SSH1: variants seen among roughly 807,000 people sequenced by gnomAD.
The protein encoded by SSH1 is slingshot protein phosphatase 1, also known as protein phosphatase Slingshot homolog 1.
A neutral mutation model predicts 79.7 loss-of-function variants in SSH1; 43 were observed. That is an observed-to-expected ratio of 0.54 (90% CI 0.42 to 0.70). SSH1 has a LOEUF of 0.70. Among genes scored for constraint, SSH1 ranks in the 30% least tolerant of loss-of-function variants. The pLI is 0.00. For missense variants in SSH1, 1,206 were observed against 1,358.8 expected, an observed-to-expected ratio of 0.89 and a Z score of 1.77; for synonymous variants, 599 against 538.3, an observed-to-expected ratio of 1.11 and a Z score of -1.56.
At chr12:108,826,052 C>T (rs1270207881) in intron 2 of SSH1, 6 of 431,602 alleles carry the variant, frequency 1.4e-5, no homozygotes, top group Non-Finnish European at 2.3e-5. Context: ...CTTTTCGAGA[C>T]AACATCAACT....
In SSH1 at chr12:108,857,534, A is replaced by C; in HGVS notation, c.-38T>G. ...GTGCGAGGGCGCCACAGACGTCTCG[A>C]GCTAGAGCCGCCACCGCCACCGCCG... On this transcript the variant is annotated 5_prime_UTR_variant, in exon 1 of 15. Transcript: ENST00000326495. The surrounding 1 kb of genome is among the most constrained non-coding windows in gnomAD (Gnocchi z 4.7). 1 of 1,053,688 alleles carries C rather than the reference A, an allele frequency of 9.5e-7. No homozygotes were observed. The highest frequency in any genetic ancestry group is 1.2e-6 in the Non-Finnish European group (1 of 865,944). The allele number at this position is 1,053,688 out of a possible 1,614,324, so 65.3% of individuals were successfully genotyped here.
Position 108,781,862 on chromosome 12 carries a change from CCAG to C in SSH1, c.*6123_*6125del, listed in dbSNP as rs1331725708. 6.6e-5 allele frequency: 10 copies of C among 152,092 alleles called. No individual in the cohort carries two copies. The highest frequency in any genetic ancestry group is 2.4e-4 in the African/African-American group (10 of 41,386). 9.4% of individuals were successfully genotyped at this position (152,092 alleles called of 1,614,324 possible). On this transcript the variant is annotated 3_prime_UTR_variant, in exon 15 of 15. Coordinates refer to ENST00000326495, the MANE Select transcript of SSH1 (RefSeq NM_018984.4). Reference sequence around the variant, plus strand: ...GTTGAGGTGGCTCACACCTGTAATCCCAGCACTTTGGGAGGCCAAGGTGGGAGG... The same window carrying C: ...GTTGAGGTGGCTCACACCTGTAATCCCACTTTGGGAGGCCAAGGTGGGAGG...
At chr12:108,793,146 CA>C (rs986668183) in intron 13 of SSH1, among the ~76,000 whole-genome samples, 7 of 152,162 alleles carry the variant, frequency 4.6e-5, no homozygotes, top group African/African-American at 1.2e-4. Flanking sequence ...GCCTCATTGT[CA>C]CGTCAGTTAC....
Position 108,828,995 on chromosome 12 carries a change from A to G in SSH1, c.111-5634T>C, listed in dbSNP as rs1365160548. ...CCAAAATAGAATCACCAGGGATAGC[A>G]TGGACAACGCCCATGGTGACTGCCG... is the stretch of plus-strand genomic sequence containing the variant. On this transcript the variant is annotated intron_variant, in intron 2 of 14. Coordinates refer to ENST00000326495, the MANE Select transcript of SSH1 (RefSeq NM_018984.4). Among the ~76,000 whole-genome samples, 5 of 152,310 alleles carry G rather than the reference A, an allele frequency of 3.3e-5. No homozygotes were observed. The East Asian group carries it at 7.7e-4, about 23-fold the overall frequency.
At position 108,810,260 on chromosome 12, in the gene SSH1, G is replaced by A. The variant is rs374691788; in HGVS notation, c.471-502C>T. On this transcript the variant is annotated intron_variant, in intron 6 of 14. Coordinates refer to ENST00000326495, the MANE Select transcript of SSH1 (RefSeq NM_018984.4). ...ATACAAGCCAGGGGTGGTGGCTCAC[G>A]CCTGTAATCCCAGCACTTTGGGAGG... is the stretch of plus-strand genomic sequence containing the variant. 2.6e-5 allele frequency among the ~76,000 whole-genome samples: 4 copies of A among 151,922 alleles called. No homozygotes were observed. The East Asian group carries it at 5.8e-4, about 22-fold the overall frequency.
At chr12:108,809,792 G>A in intron 6 of SSH1, 34 bp from the exon 7 acceptor site, 2 of 1,596,118 alleles carry the variant, frequency 1.3e-6, no homozygotes, top group African/African-American at 2.7e-5. Context: ...AGGTATCTGT[G>A]GTGAGAAATC....
At chr12:108,791,640 T>C (rs1002137333) in intron 14 of SSH1, among the ~76,000 whole-genome samples, 1 of 152,130 alleles carries the variant, frequency 6.6e-6, no homozygotes, top group African/African-American at 2.4e-5. Flanking sequence ...GCGCCTGTGG[T>C]CCCAGCTACT....
intron 2 of SSH1, among the ~76,000 whole-genome samples, chr12:108,845,764 TA>T (rs1412981917): frequency 6.6e-6 from 1 of 152,260 alleles, no homozygotes; most frequent in Non-Finnish European, 1.5e-5. Flanking sequence ...CAATGACTGA[TA>T]CAGTAACCTA....
At chr12:108,826,874 AG>A (rs1379440889) in intron 2 of SSH1, among the ~76,000 whole-genome samples, 1 of 152,230 alleles carries the variant, frequency 6.6e-6, no homozygotes. Flanking sequence ...CCAGCCACCC[AG>A]AAGTCACTCT....
intron 12 of SSH1, among the ~76,000 whole-genome samples, chr12:108,799,955 G>T (rs867645167): frequency 6.6e-6 from 1 of 152,204 alleles, no homozygotes. Flanking sequence ...GGTGGGAGCC[G>T]GCTCTGGTTT....
At chr12:108,809,862 C>G in intron 6 of SSH1, 104 bp from the exon 7 acceptor site, 1 of 943,550 alleles carries the variant, frequency 1.1e-6, no homozygotes, top group Non-Finnish European at 1.8e-6. Context: ...ACGCTGGGAA[C>G]AAGCACATCT....
intron 8 of SSH1, among the ~76,000 whole-genome samples, chr12:108,806,651 G>A (rs1279722442): frequency 3.9e-5 from 6 of 152,212 alleles, no homozygotes; most frequent in East Asian, 1.9e-4. Flanking sequence ...TTGCTCAGAC[G>A]CTCTTAGGGC....
Position 108,791,631 on chromosome 12 carries a change from C to T in SSH1, c.1893+655G>A, listed in dbSNP as rs1032356908. ...AAGATTAACCGGGTGTGGTAGCATG[C>T]GCCTGTGGTCCCAGCTACTCAGGAG... On this transcript the variant is annotated intron_variant, in intron 14 of 14. Coordinates refer to ENST00000326495, the MANE Select transcript of SSH1 (RefSeq NM_018984.4). 2.6e-5 allele frequency among the ~76,000 whole-genome samples: 4 copies of T among 152,074 alleles called. 1 individual carries two copies. The South Asian group carries it at 6.2e-4, about 24-fold the overall frequency.
At chr12:108,827,359 C>T (rs2038351224) in intron 2 of SSH1, 4 of 1,544,986 alleles carry the variant, frequency 2.6e-6, no homozygotes, top group Admixed American at 2.0e-5. Context: ...GGCTGCAGTG[C>T]TCACATCTCT....
At chr12:108,802,126 A>T (rs138158967) in intron 11 of SSH1, among the ~76,000 whole-genome samples, 196 bp downstream of exon 11, 3 of 152,180 alleles carry the variant, frequency 2.0e-5, no homozygotes, top group African/African-American at 7.2e-5. Context: ...CACAATCTAA[A>T]CTCCATGAAT....
chr12:108,833,406 G>T (rs915616573), intron 2 of SSH1, among the ~76,000 whole-genome samples: 2 of 152,204 alleles, frequency 1.3e-5, no homozygotes, highest in Non-Finnish European at 2.9e-5. Context: ...GAAATAACAG[G>T]CACATGAAGG....
At chr12:108,820,577 TGACA>T (rs971528545) in intron 3 of SSH1, among the ~76,000 whole-genome samples, 1 of 152,196 alleles carries the variant, frequency 6.6e-6, no homozygotes, top group Non-Finnish European at 1.5e-5. Flanking sequence ...ATGGAACTGC[TGACA>T]GACAGAAATC....
intron 11 of SSH1, among the ~76,000 whole-genome samples, chr12:108,802,103 C>T (rs1389208003): frequency 1.3e-5 from 2 of 152,214 alleles, no homozygotes; most frequent in Non-Finnish European, 2.9e-5. Context: ...CACACGATCA[C>T]GCGAGACTTC....
Position 108,806,286 on chromosome 12 carries a change from G to A in SSH1, c.825+15C>T, listed in dbSNP as rs1158864067. The stretch of plus-strand genomic sequence containing the variant: ...CATGACCTCTGACCTGCAATGAAGG[G>A]AGGAGTTGTCTTACCTCTTTGGAAG... On this transcript the variant is annotated intron_variant, in intron 9 of 14. Transcript: ENST00000326495. The A allele has an allele frequency of 2.5e-6, 4 of 1,611,294 alleles. No individual in the cohort carries two copies. The highest frequency in any genetic ancestry group is 3.4e-6 in the Non-Finnish European group (4 of 1,177,542).
Sources: gnomAD v4.1 joint callset for allele counts (sites outside exome capture counted in the v4.1 genomes callset) on GRCh38, gnomAD v4.1.1 for gene constraint, Gnocchi (gnomAD v3.1) non-coding constraint, MANE v1.5 for transcripts, NCBI Gene and HGNC (gene_info 2026-07-23, HGNC 2026-07-21) for gene names.